Variants in ANO2 observed in about 807,000 individuals in gnomAD.
ANO2 encodes anoctamin-2.
Under a neutral mutation model 124.2 loss-of-function variants are expected in ANO2, and 101 were observed. That is an observed-to-expected ratio of 0.81 (90% CI 0.69 to 0.96). The LOEUF (loss-of-function observed/expected upper bound fraction) is 0.96, where lower values mean the gene tolerates loss of function less well. Ranked by LOEUF, ANO2 falls within the 40% of genes least tolerant of loss-of-function variation. The pLI, the probability that ANO2 is intolerant of heterozygous loss-of-function variation, is 0.00. For missense variants in ANO2, 1,293 were observed against 1,274.5 expected, an observed-to-expected ratio of 1.01 and a Z score of -0.22; for synonymous variants, 486 against 482.5, an observed-to-expected ratio of 1.01 and a Z score of -0.09.
At chr12:5,671,632 G>C (rs1176577457) in intron 14 of ANO2, among the ~76,000 whole-genome samples, 6 of 152,100 alleles carry the variant, frequency 3.9e-5, no homozygotes, top group Admixed American at 3.9e-4. Context: ...TGCAGCTCTG[G>C]GGCTGGCTGC....
intron 4 of ANO2, chr12:5,836,871 A>G (rs1295069663): frequency 1.3e-5 from 2 of 154,370 alleles, no homozygotes; most frequent in African/African-American, 2.4e-5. Flanking sequence ...TATAACACTT[A>G]TCACAGTTGT....
chr12:5,750,448 G>C (rs745873227), intron 11 of ANO2, among the ~76,000 whole-genome samples: 3 of 152,206 alleles, frequency 2.0e-5, no homozygotes, highest in Non-Finnish European at 4.4e-5. Flanking sequence ...TCTACTCAGT[G>C]TCACTCCCCA....
At chr12:5,633,076 G>T (rs940709383) in intron 16 of ANO2, among the ~76,000 whole-genome samples, 1 of 152,218 alleles carries the variant, frequency 6.6e-6, no homozygotes, top group African/African-American at 2.4e-5. Flanking sequence ...CCTCCATGCG[G>T]TGGGAGTGTA....
intron 14 of ANO2, among the ~76,000 whole-genome samples, chr12:5,706,263 C>G (rs1296265735): frequency 6.6e-6 from 1 of 152,184 alleles, no homozygotes; most frequent in Admixed American, 6.5e-5. Context: ...CCATCTCGCT[C>G]AGACTAAAAT....
intron 3 of ANO2, among the ~76,000 whole-genome samples, chr12:5,865,753 TC>T (rs1955409195): frequency 6.8e-6 from 1 of 146,968 alleles, no homozygotes; most frequent in Non-Finnish European, 1.5e-5. Context: ...CATCATGCAA[TC>T]ACACCATCAT....
At chr12:5,812,391 G>A (rs1297859773) in intron 7 of ANO2, among the ~76,000 whole-genome samples, 3 of 140,244 alleles carry the variant, frequency 2.1e-5, no homozygotes, top group Non-Finnish European at 3.1e-5. Flanking sequence ...AAGAAAGAAG[G>A]GAAGGAAGGA....
At chr12:5,887,553 T>A (rs1456559080) in intron 3 of ANO2, among the ~76,000 whole-genome samples, 2 of 152,216 alleles carry the variant, frequency 1.3e-5, no homozygotes, top group African/African-American at 4.8e-5. Flanking sequence ...ACTAGCCTTA[T>A]CACTGGGTCA....
intron 1 of ANO2, among the ~76,000 whole-genome samples, chr12:5,923,094 G>GCACGCACA (rs1565783529): frequency 7.4e-5 from 2 of 27,064 alleles, no homozygotes; most frequent in Admixed American, 1.2e-3. Flanking sequence ...ACACACACAC[G>GCACGCACA]CACACACATA....
chr12:5,697,541 G>T (rs536451912), intron 14 of ANO2, among the ~76,000 whole-genome samples: 1 of 152,214 alleles, frequency 6.6e-6, no homozygotes, highest in African/African-American at 2.4e-5. Context: ...TGCAGAAGAC[G>T]GATGATTTCT....
intron 3 of ANO2, chr12:5,856,681 C>T (rs374127569): frequency 9.2e-5 from 14 of 152,160 alleles, no homozygotes; most frequent in African/African-American, 3.1e-4. Flanking sequence ...AAAGTCCGGG[C>T]CAGAAACAGC....
intron 20 of ANO2, among the ~76,000 whole-genome samples, chr12:5,590,288 A>G (rs112778700): frequency 0.042 from 6,430 of 152,212 alleles, 396 homozygotes; most frequent in African/African-American, 0.14. Context: ...TCTTCTTCCA[A>G]TGTGGCCCAG....
At chr12:5,745,850 G>A (rs1018638489) in intron 11 of ANO2, among the ~76,000 whole-genome samples, 1 of 152,158 alleles carries the variant, frequency 6.6e-6, no homozygotes, top group Non-Finnish European at 1.5e-5. Flanking sequence ...AGTTTCACCT[G>A]GGCATGTTCT....
chr12:5,607,029 A>G (rs1270709585), intron 19 of ANO2, among the ~76,000 whole-genome samples: 1 of 151,916 alleles, frequency 6.6e-6, no homozygotes, highest in East Asian at 1.9e-4. Context: ...ATCCAGCACA[A>G]TCACCCATCT....
chr12:5,665,043 G>C lies in ANO2; in HGVS notation c.1546-17242C>G, dbSNP rs96745. On this transcript the variant is annotated intron_variant, in intron 14 of 24. Transcript: ENST00000682330. ...TTTTTTTTTCTTCAGGCAGCAAATA[G>C]TGATTTGACCTTAAGCCAACCAATA... Among the ~76,000 whole-genome samples, 3 of 151,820 alleles carry C rather than the reference G, an allele frequency of 2.0e-5. No homozygotes were observed. The East Asian group carries it at 5.8e-4, about 29-fold the overall frequency.
intron 14 of ANO2, among the ~76,000 whole-genome samples, chr12:5,713,770 A>G (rs572960502): frequency 1.8e-4 from 27 of 152,328 alleles, no homozygotes; most frequent in Non-Finnish European, 3.1e-4. Flanking sequence ...TGCTGAATCC[A>G]AAACAAGGGA....
intron 3 of ANO2, among the ~76,000 whole-genome samples, chr12:5,907,259 G>T (rs1484001726): frequency 2.6e-5 from 4 of 152,176 alleles, no homozygotes; most frequent in Non-Finnish European, 5.9e-5. Context: ...TTCTGATAAT[G>T]ATAGAATGTT....
intron 1 of ANO2, among the ~76,000 whole-genome samples, chr12:5,930,646 T>G (rs567957204): frequency 6.6e-5 from 10 of 152,098 alleles, no homozygotes; most frequent in Non-Finnish European, 1.0e-4. Flanking sequence ...TTCATTTCAG[T>G]TAGAATCAAC....
intron 3 of ANO2, among the ~76,000 whole-genome samples, chr12:5,899,332 G>A (rs1940015894): frequency 6.6e-6 from 1 of 152,186 alleles, no homozygotes; most frequent in African/African-American, 2.4e-5. Flanking sequence ...GACACACTTA[G>A]TGGGTTAGCA....
intron 3 of ANO2, among the ~76,000 whole-genome samples, chr12:5,872,735 T>C (rs1288049194): frequency 6.6e-6 from 1 of 152,140 alleles, no homozygotes; most frequent in Admixed American, 6.5e-5. Context: ...GTCCTTTTTC[T>C]AGGAAAAAGA....
Sources: allele counts gnomAD v4.1 joint callset (sites outside exome capture counted in the v4.1 genomes callset), GRCh38; gene constraint gnomAD v4.1.1; transcripts MANE v1.5; gene names NCBI Gene and HGNC (gene_info 2026-07-23, HGNC 2026-07-21).